Variants in GLT1D1 observed in about 807,000 individuals in gnomAD.
The protein encoded by GLT1D1 is glycosyltransferase 1 domain-containing protein 1.
Under a neutral mutation model 28.7 loss-of-function variants are expected in GLT1D1, and 21 were observed. That is an observed-to-expected ratio of 0.73 (90% confidence interval 0.52 to 1.05). The LOEUF (loss-of-function observed/expected upper bound fraction) is 1.05, where lower values mean the gene tolerates loss of function less well. Among genes scored for constraint, GLT1D1 ranks in the 50% least tolerant of loss-of-function variants. The pLI, the probability that GLT1D1 is intolerant of heterozygous loss-of-function variation, is 0.00. For synonymous variants in GLT1D1, 147 were observed against 124.8 expected, an observed-to-expected ratio of 1.18 and a Z score of -1.19; for missense variants, 343 against 330.6, an observed-to-expected ratio of 1.04 and a Z score of -0.29.
intron 1 of GLT1D1, among the ~76,000 whole-genome samples, chr12:128,872,475 C>T (rs994552250): frequency 7.2e-5 from 11 of 152,076 alleles, no homozygotes; most frequent in African/African-American, 2.7e-4. Context: ...ATGTCAGCGG[C>T]GTGGAGACTC....
intron 4 of GLT1D1, among the ~76,000 whole-genome samples, chr12:128,907,357 G>A (rs1593113985): frequency 6.7e-6 from 1 of 148,544 alleles, no homozygotes; most frequent in African/African-American, 2.5e-5. Context: ...CCAGGCTGGA[G>A]CACAGTGGCG....
chr12:128,858,691 C>T (rs1054844218), intron 1 of GLT1D1, among the ~76,000 whole-genome samples: 1 of 151,842 alleles, frequency 6.6e-6, no homozygotes, highest in African/African-American at 2.4e-5. Flanking sequence ...AAAAAATCTC[C>T]ATTAACATAG....
intron 7 of GLT1D1, among the ~76,000 whole-genome samples, chr12:128,977,461 T>C (rs1450612597): frequency 6.6e-6 from 1 of 152,230 alleles, no homozygotes; most frequent in Non-Finnish European, 1.5e-5. Flanking sequence ...TACTTTGCTG[T>C]ATTCTTAAAA....
At chr12:128,905,488 G>C (rs1163158911) in intron 4 of GLT1D1, among the ~76,000 whole-genome samples, 1 of 152,212 alleles carries the variant, frequency 6.6e-6, no homozygotes, top group Non-Finnish European at 1.5e-5. Flanking sequence ...AGCCCCCAGG[G>C]CTGCTCTTGT....
chr12:128,948,105 C>T (rs1876313061), intron 6 of GLT1D1, among the ~76,000 whole-genome samples: 1 of 152,122 alleles, frequency 6.6e-6, no homozygotes, highest in Non-Finnish European at 1.5e-5. Context: ...CTCGTGAAAC[C>T]CAGGCAGGCC....
chr12:128,904,676 C>G (rs7953413), intron 4 of GLT1D1, among the ~76,000 whole-genome samples: 2 of 143,622 alleles, frequency 1.4e-5, no homozygotes, highest in Non-Finnish European at 3.0e-5. Context: ...CTCTGTTGCC[C>G]ATGCTGGAGT....
intron 4 of GLT1D1, among the ~76,000 whole-genome samples, chr12:128,908,409 TTTC>T (rs1348728176): frequency 6.6e-6 from 1 of 151,528 alleles, no homozygotes; most frequent in African/African-American, 2.4e-5. Flanking sequence ...TCTCTCTTTC[TTTC>T]TTTCTTTTTC....
chr12:128,887,767 TCTC>T (rs1868567714), intron 2 of GLT1D1, among the ~76,000 whole-genome samples: 2 of 152,198 alleles, frequency 1.3e-5, no homozygotes, highest in Admixed American at 6.5e-5. Context: ...ATCAGTATCT[TCTC>T]CTTTAAATAT....
At chr12:128,945,176 C>A (rs948068332) in intron 4 of GLT1D1, 150 bp from the exon 9 acceptor site, 3 of 805,192 alleles carry the variant, frequency 3.7e-6, no homozygotes, top group Non-Finnish European at 6.5e-6. Flanking sequence ...CCCATGATCA[C>A]CACACGCAGC....
intron 1 of GLT1D1, among the ~76,000 whole-genome samples, chr12:128,860,258 CA>C (rs1956322917): frequency 6.6e-6 from 1 of 152,198 alleles, no homozygotes; most frequent in South Asian, 2.1e-4. Flanking sequence ...GTCAGGAGTT[CA>C]AGACCAGCCT....
intron 4 of GLT1D1, among the ~76,000 whole-genome samples, chr12:128,939,853 GAT>G (rs1874991025): frequency 1.6e-5 from 1 of 61,964 alleles, no homozygotes. Flanking sequence ...CCCCACCGCC[GAT>G]CCAATCACCT....
intron 4 of GLT1D1, among the ~76,000 whole-genome samples, chr12:128,928,010 A>AAC (rs1566141043): frequency 6.7e-6 from 1 of 149,364 alleles, no homozygotes; most frequent in African/African-American, 2.5e-5. Flanking sequence ...AAAAAAAAAA[A>AAC]AAAAAAAAAA....
chr12:128,896,658 C>A (rs944685787), intron 3 of GLT1D1, among the ~76,000 whole-genome samples: 1 of 147,876 alleles, frequency 6.8e-6, no homozygotes, highest in Non-Finnish European at 1.5e-5. Flanking sequence ...TGGCTCACTG[C>A]AACCTCCGCC....
At position 128,923,010 on chromosome 12, in the gene GLT1D1, C is replaced by T. The variant is rs536138316; in HGVS notation, c.376-22316C>T. On this transcript the variant is annotated intron_variant, in intron 4 of 7. Transcript: ENST00000281703. ...GAAAATTGACAATGCAGATTGTCAG[C>T]GGCTTATTCAGAGGCTGTGACAATT... Among the ~76,000 whole-genome samples, 6 of 151,484 alleles carry T rather than the reference C, an allele frequency of 4.0e-5. No homozygotes were observed. In the East Asian group the frequency reaches 9.7e-4, roughly 24 times the overall value.
intron 4 of GLT1D1, among the ~76,000 whole-genome samples, chr12:128,907,337 G>A (rs1336750759): frequency 1.5e-5 from 2 of 136,006 alleles, no homozygotes; most frequent in Non-Finnish European, 3.1e-5. Context: ...ACCGAGTCTC[G>A]CTTTGTTGCC....
At chr12:128,919,128 T>C (rs1163078853) in intron 4 of GLT1D1, among the ~76,000 whole-genome samples, 2 of 152,184 alleles carry the variant, frequency 1.3e-5, no homozygotes, top group African/African-American at 2.4e-5. Context: ...CCATCGTTTG[T>C]CTTTGTCGTC....
At chr12:128,972,113 A>C (rs1166059654) in intron 7 of GLT1D1, among the ~76,000 whole-genome samples, 5 of 152,172 alleles carry the variant, frequency 3.3e-5, no homozygotes, top group South Asian at 2.1e-4. Context: ...ACTGGGCTGC[A>C]TGCGGGGCAA....
At chr12:128,880,373 C>A (rs1957004952) in intron 2 of GLT1D1, among the ~76,000 whole-genome samples, 1 of 152,192 alleles carries the variant, frequency 6.6e-6, no homozygotes. Context: ...AGAACTGAAG[C>A]CATGCTTACT....
intron 4 of GLT1D1, among the ~76,000 whole-genome samples, chr12:128,938,505 G>A (rs1874794732): frequency 6.6e-6 from 1 of 152,166 alleles, no homozygotes; most frequent in Non-Finnish European, 1.5e-5. Context: ...CAGGCTTTCT[G>A]GTCATCTGAA....
Sources: gnomAD v4.1 joint callset for allele counts (sites outside exome capture counted in the v4.1 genomes callset) on GRCh38, gnomAD v4.1.1 for gene constraint, MANE v1.5 for transcripts, NCBI Gene and HGNC (gene_info 2026-07-23, HGNC 2026-07-21) for gene names.